Variants in PPP1R9A observed in about 807,000 individuals in gnomAD.
The protein encoded by PPP1R9A is neurabin-1.
A neutral mutation model predicts 141.9 loss-of-function variants in PPP1R9A; 59 were observed. That is an observed-to-expected ratio of 0.42 (90% CI 0.34 to 0.52). The LOEUF (loss-of-function observed/expected upper bound fraction) is 0.52. Among genes scored for constraint, PPP1R9A ranks in the 20% least tolerant of loss-of-function variants. The pLI, the probability that PPP1R9A is intolerant of heterozygous loss-of-function variation, is 0.10. For synonymous variants in PPP1R9A, 500 were observed against 569.7 expected (o/e 0.88, Z 1.74); for missense variants, 1,444 against 1,611.9 (o/e 0.90, Z 1.78).
chr7:95,144,118 A>C (rs752302835), intron 4 of PPP1R9A, among the ~76,000 whole-genome samples: 1 of 151,952 alleles, frequency 6.6e-6, no homozygotes, highest in Non-Finnish European at 1.5e-5. Context: ...TTATAACAGA[A>C]AGTTTCTACT....
At position 95,122,289 on chromosome 7, in the gene PPP1R9A, G is replaced by C. The variant is rs1822770222; in HGVS notation, c.1649+1457G>C. Among the ~76,000 whole-genome samples, 3 of 152,114 alleles carry C rather than the reference G, an allele frequency of 2.0e-5. No individual in the cohort carries two copies. The South Asian group carries it at 6.2e-4, about 32-fold the overall frequency. The stretch of plus-strand genomic sequence containing the variant: ...AGCCTTCTGAGTAGCTGGGACCACA[G>C]GTGTGGACCACCACGCCCAGCTAAT... On this transcript the variant is annotated intron_variant, in intron 4 of 19. Transcript: ENST00000433360.
chr7:95,103,462 G>T (rs1365905121), intron 2 of PPP1R9A, among the ~76,000 whole-genome samples: 1 of 147,724 alleles, frequency 6.8e-6, no homozygotes, highest in African/African-American at 2.5e-5. Flanking sequence ...CCGCCTCCTG[G>T]GTTCATGCCA....
intron 4 of PPP1R9A, among the ~76,000 whole-genome samples, chr7:95,127,509 T>TA (rs1823779257): frequency 6.7e-6 from 1 of 149,632 alleles, no homozygotes; most frequent in Non-Finnish European, 1.5e-5. Flanking sequence ...TTTTCTTTCT[T>TA]TTTTTTTTTT....
intron 2 of PPP1R9A, among the ~76,000 whole-genome samples, chr7:94,946,826 AG>A (rs1245492613): frequency 6.6e-6 from 1 of 152,166 alleles, no homozygotes; most frequent in Non-Finnish European, 1.5e-5. Context: ...ATGCAAGGTA[AG>A]GGCAAGATGT....
At chr7:95,253,085 G>A (rs1257889986) in intron 12 of PPP1R9A, among the ~76,000 whole-genome samples, 2 of 152,140 alleles carry the variant, frequency 1.3e-5, no homozygotes, top group African/African-American at 2.4e-5. Flanking sequence ...AATATCTGTG[G>A]TATATTTGCA....
At chr7:94,985,047 G>T (rs1388980989) in intron 2 of PPP1R9A, among the ~76,000 whole-genome samples, 1 of 152,064 alleles carries the variant, frequency 6.6e-6, no homozygotes, top group Non-Finnish European at 1.5e-5. Flanking sequence ...CGTTCTCATT[G>T]GTTTCAAAGT....
intron 2 of PPP1R9A, among the ~76,000 whole-genome samples, chr7:94,980,581 G>T (rs1205182703): frequency 6.6e-6 from 1 of 150,670 alleles, no homozygotes; most frequent in Admixed American, 6.6e-5. Context: ...GACTACAGGC[G>T]CATGCTACCA....
At chr7:95,194,836 A>T (rs1027364112) in intron 5 of PPP1R9A, among the ~76,000 whole-genome samples, 4 of 152,110 alleles carry the variant, frequency 2.6e-5, no homozygotes, top group African/African-American at 9.6e-5. Flanking sequence ...ATGAATATAG[A>T]GATACACCAT....
intron 12 of PPP1R9A, among the ~76,000 whole-genome samples, chr7:95,260,346 A>C (rs964259157): frequency 6.6e-6 from 1 of 152,152 alleles, no homozygotes; most frequent in Admixed American, 6.6e-5. Context: ...CGTAGAATCC[A>C]CCAGACCCTT....
intron 7 of PPP1R9A, among the ~76,000 whole-genome samples, chr7:95,205,317 A>T (rs1019436431): frequency 6.6e-6 from 1 of 152,208 alleles, no homozygotes; most frequent in African/African-American, 2.4e-5. Flanking sequence ...ACGAAATACC[A>T]AATAAACTTT....
chr7:94,954,496 A>G (rs1796851724), intron 2 of PPP1R9A, among the ~76,000 whole-genome samples: 1 of 151,944 alleles, frequency 6.6e-6, no homozygotes, highest in African/African-American at 2.4e-5. Flanking sequence ...CTTTCCTTGA[A>G]GGCCTCTTTT....
rs1805316765 is a variant in PPP1R9A, at chr7:95,286,333, C to T, written c.3729+8C>T. 1.2e-6 allele frequency: 2 copies of T among 1,612,460 alleles called. No homozygotes were observed. Among genetic ancestry groups the T allele is most frequent in the East Asian group, 2.2e-5 (1 of 44,844 alleles). ...GCACTGTCATCAGATGAGGTAATTC[C>T]ATGGCACTATGACAGAGCTGCTTTG... On this transcript the variant is annotated splice_region_variant and intron_variant, in intron 18 of 19. Coordinates refer to ENST00000433360, the MANE Select transcript of PPP1R9A (RefSeq NM_001166160.2).
intron 2 of PPP1R9A, among the ~76,000 whole-genome samples, chr7:95,018,812 A>C (rs1034778586): frequency 4.6e-5 from 7 of 152,098 alleles, no homozygotes; most frequent in African/African-American, 1.7e-4. Context: ...ACGTGCTGAG[A>C]GTAATAAGGT....
At chr7:95,178,143 G>A (rs1256065272) in intron 5 of PPP1R9A, among the ~76,000 whole-genome samples, 1 of 151,990 alleles carries the variant, frequency 6.6e-6, no homozygotes, top group Non-Finnish European at 1.5e-5. Flanking sequence ...CACAAAATGA[G>A]CCTCAATAAA....
chr7:95,294,214 A>C lies in PPP1R9A; in HGVS notation c.*3911A>C, dbSNP rs1034085032. 1.3e-5 allele frequency: 2 copies of C among 151,292 alleles called. No individual in the cohort carries two copies. The highest frequency in any genetic ancestry group is 4.9e-5 in the African/African-American group (2 of 41,096). The allele number at this position is 151,292 out of a possible 1,614,324, so 9.4% of individuals were successfully genotyped here. A position where few individuals can be genotyped will look rare whatever the true frequency, so the allele number is the denominator to read the frequency against. ...TTTATTAAGGATGTACCTGTGCACTATTCTAAAGCTAAGCATTTAAGGATA... is the reference window on the plus strand; with the variant it reads ...TTTATTAAGGATGTACCTGTGCACTCTTCTAAAGCTAAGCATTTAAGGATA... On this transcript the variant is annotated 3_prime_UTR_variant, in exon 20 of 20. Coordinates refer to ENST00000433360, the MANE Select transcript of PPP1R9A (RefSeq NM_001166160.2).
intron 2 of PPP1R9A, among the ~76,000 whole-genome samples, chr7:94,978,158 T>C (rs895527555): frequency 1.3e-5 from 2 of 152,102 alleles, no homozygotes; most frequent in Non-Finnish European, 2.9e-5. Context: ...CCTGTGAACG[T>C]TGAGGGATAG....
chr7:95,283,376 G>A (rs1054875859), intron 16 of PPP1R9A, among the ~76,000 whole-genome samples: 3 of 152,070 alleles, frequency 2.0e-5, no homozygotes, highest in Non-Finnish European at 4.4e-5. Context: ...TTTTACAGAT[G>A]GAGAACTAAA....
chr7:95,049,947 A>G (rs1810560356), intron 2 of PPP1R9A, among the ~76,000 whole-genome samples: 1 of 152,202 alleles, frequency 6.6e-6, no homozygotes, highest in South Asian at 2.1e-4. Flanking sequence ...ACAGTTATGA[A>G]TAAGCTGGTA....
At chr7:95,191,407 G>A (rs1835477604) in intron 5 of PPP1R9A, among the ~76,000 whole-genome samples, 1 of 152,230 alleles carries the variant, frequency 6.6e-6, no homozygotes, top group East Asian at 1.9e-4. Flanking sequence ...ATAATGTATA[G>A]TGATCATATC....
Sources: allele counts gnomAD v4.1 joint callset (sites outside exome capture counted in the v4.1 genomes callset), GRCh38; gene constraint gnomAD v4.1.1; transcripts MANE v1.5; gene names NCBI Gene and HGNC (gene_info 2026-07-23, HGNC 2026-07-21).